CHSY3: variants seen among roughly 807,000 people sequenced by gnomAD.
CHSY3 encodes the protein chondroitin sulfate synthase 3, also known as N-acetylgalactosaminyl-proteoglycan 3-beta-glucuronosyltransferase 3.
A neutral mutation model predicts 67.2 loss-of-function variants in CHSY3; 35 were observed. The ratio of observed to expected loss-of-function variants is 0.52; its 90% CI spans 0.40 to 0.69. The LOEUF (loss-of-function observed/expected upper bound fraction) is 0.69, where lower values mean the gene tolerates loss of function less well. CHSY3 is among the 30% of genes least tolerant of loss of function. The pLI is 0.00. For missense variants in CHSY3, 1,069 were observed against 1,138.5 expected (o/e 0.94, Z 0.88); for synonymous variants, 474 against 434.7 (o/e 1.09, Z -1.12).
chr5:129,934,007 ACAATGCCACTT>A lies in CHSY3; in HGVS notation c.1086+25648_1086+25658del, dbSNP rs139088782. Among the ~76,000 whole-genome samples the A allele has an allele frequency of 9.4e-3, 1,429 of 152,196 alleles. 22 individuals carry two copies. The highest frequency in any genetic ancestry group is 0.033 in the African/African-American group (1,366 of 41,538). ...TATGCATAACCTATCCTTTGACCTA[ACAATGCCACTT>A]TTAGTTATTTATCCTAAGGAAACTA... On this transcript the variant is annotated intron_variant, in intron 2 of 2. Coordinates refer to ENST00000305031, the MANE Select transcript of CHSY3 (RefSeq NM_175856.5).
intron 2 of CHSY3, among the ~76,000 whole-genome samples, chr5:129,992,349 T>C (rs1248479553): frequency 1.3e-5 from 2 of 152,210 alleles, no homozygotes; most frequent in African/African-American, 2.4e-5. Context: ...GGAATGAGTA[T>C]GTCCCCTACT....
intron 2 of CHSY3, among the ~76,000 whole-genome samples, chr5:129,988,573 C>T (rs577973835): frequency 4.9e-4 from 74 of 152,204 alleles, no homozygotes; most frequent in African/African-American, 1.8e-3. Flanking sequence ...CTGCTATATC[C>T]CCATCCCCTA....
chr5:129,912,183 A>G (rs1760584021), intron 2 of CHSY3, among the ~76,000 whole-genome samples: 1 of 152,238 alleles, frequency 6.6e-6, no homozygotes, highest in African/African-American at 2.4e-5. Context: ...ACTGAATTTG[A>G]GGATGTTGTG....
intron 2 of CHSY3, among the ~76,000 whole-genome samples, chr5:130,069,549 A>T (rs1258707051): frequency 2.0e-5 from 3 of 152,040 alleles, no homozygotes; most frequent in Non-Finnish European, 2.9e-5. Context: ...TTTCTCACAT[A>T]ATTATTTTTT....
At chr5:130,164,839 G>A (rs913917242) in intron 2 of CHSY3, among the ~76,000 whole-genome samples, 2 of 152,118 alleles carry the variant, frequency 1.3e-5, no homozygotes, top group Non-Finnish European at 2.9e-5. Context: ...ATGGCACCTA[G>A]TACCAGGAGA....
At position 130,185,296 on chromosome 5, in the gene CHSY3, T is replaced by C. The variant is rs760117622; in HGVS notation, c.2154T>C (p.Asp718=). The change falls in exon 3 of 3, where the codon GAT becomes GAC. Residue 718 remains aspartate, a synonymous_variant. Transcript: ENST00000305031. ...FDNDTLLLFC[D]VDLIFREDFL... is the part of the protein sequence containing the mutation. Reference sequence around the variant, plus strand: ...ATGACACTTTGCTGCTATTTTGTGATGTTGACTTGATCTTCAGAGAAGATT... The same window carrying C: ...ATGACACTTTGCTGCTATTTTGTGACGTTGACTTGATCTTCAGAGAAGATT... 3 of 1,612,010 alleles carry C rather than the reference T, an allele frequency of 1.9e-6. No individual in the cohort carries two copies. The East Asian group carries it at 6.7e-5, about 36-fold the overall frequency.
chr5:130,018,989 C>T (rs760137262), intron 2 of CHSY3, among the ~76,000 whole-genome samples: 4 of 152,018 alleles, frequency 2.6e-5, no homozygotes, highest in Admixed American at 6.6e-5. Flanking sequence ...GTTTTGATGC[C>T]GCCCAAAGAC....
chr5:130,132,522 G>A (rs1053079938), intron 2 of CHSY3, among the ~76,000 whole-genome samples: 17 of 152,112 alleles, frequency 1.1e-4, no homozygotes, highest in Admixed American at 1.1e-3. Context: ...ATTATTCTTG[G>A]TACCTTAAGC....
rs188438851 is a variant in CHSY3, at chr5:130,116,458, G to C, written c.1087-67771G>C. Reference sequence around the variant, plus strand: ...CTATGGACTATACAATAATTCAGATGAATCAACTATTAGAAAGATTTGTGG... The same window carrying C: ...CTATGGACTATACAATAATTCAGATCAATCAACTATTAGAAAGATTTGTGG... On this transcript the variant is annotated intron_variant, in intron 2 of 2. Transcript: ENST00000305031. Among the ~76,000 whole-genome samples the C allele has an allele frequency of 7.9e-5, 12 of 152,306 alleles. 1 individual carries two copies. Among genetic ancestry groups the C allele is most frequent in the Admixed American group, 7.8e-4 (12 of 15,304 alleles).
intron 2 of CHSY3, among the ~76,000 whole-genome samples, chr5:129,947,193 A>C (rs1761880866): frequency 1.3e-5 from 2 of 152,128 alleles, no homozygotes; most frequent in East Asian, 3.9e-4. Flanking sequence ...ATAGGGGGAA[A>C]AGCCCATTAT....
chr5:130,022,495 A>C (rs950747247), intron 2 of CHSY3, among the ~76,000 whole-genome samples: 6 of 152,022 alleles, frequency 3.9e-5, no homozygotes, highest in Admixed American at 3.3e-4. Context: ...TAGCAAAGTT[A>C]AAAGTATCTA....
chr5:130,038,546 C>T (rs1485088066), intron 2 of CHSY3, among the ~76,000 whole-genome samples: 1 of 151,688 alleles, frequency 6.6e-6, no homozygotes, highest in Non-Finnish European at 1.5e-5. Flanking sequence ...TCCTACCCTG[C>T]ACACAAGGAT....
intron 2 of CHSY3, among the ~76,000 whole-genome samples, chr5:129,991,864 C>T (rs1254697991): frequency 6.6e-6 from 1 of 152,074 alleles, no homozygotes; most frequent in Non-Finnish European, 1.5e-5. Flanking sequence ...TTAATGACGT[C>T]CCCAAAAGAT....
Position 129,905,160 on chromosome 5 carries a change from C to T in CHSY3, c.331C>T (p.Gln111Ter). ...SPWQQPPPLQ[Q>*]RRRGREPEGA... ...CTGGCAGCAGCCACCTCCGCTGCAG[C>T]AGCGGCGGCGAGGACGCGAGCCTGA... Residue 111 changes from glutamine to a stop codon, truncating the protein, a stop_gained, in exon 1 of 3, where the codon CAG becomes TAG. Transcript: ENST00000305031. LOFTEE classifies it high-confidence loss of function. 1 of 1,527,312 alleles carries T rather than the reference C, an allele frequency of 6.5e-7. No individual in the cohort carries two copies. Among genetic ancestry groups the T allele is most frequent in the East Asian group, 2.5e-5 (1 of 39,918 alleles). 94.6% of individuals were successfully genotyped at this position (1,527,312 alleles called of 1,614,324 possible). A position where few individuals can be genotyped will look rare whatever the true frequency, so the allele number is the denominator to read the frequency against.
At chr5:130,073,426 T>C (rs1766151371) in intron 2 of CHSY3, among the ~76,000 whole-genome samples, 1 of 152,028 alleles carries the variant, frequency 6.6e-6, no homozygotes, top group African/African-American at 2.4e-5. Context: ...TGGCTGGGAT[T>C]ACAGGCATAT....
At chr5:130,020,457 ATATATTTTTTTT>A (rs1426270821) in intron 2 of CHSY3, among the ~76,000 whole-genome samples, 2 of 5,542 alleles carry the variant, frequency 3.6e-4, no homozygotes, top group Non-Finnish European at 5.7e-4. Context: ...ATATATATAT[ATATATTTTTTTT>A]TTTTTTTTTT....
intron 2 of CHSY3, among the ~76,000 whole-genome samples, chr5:129,939,986 T>C (rs1761647612): frequency 1.3e-5 from 2 of 152,154 alleles, no homozygotes; most frequent in Admixed American, 1.3e-4. Context: ...GATTTCCATA[T>C]ATTATATTAG....
chr5:130,030,504 A>AC (rs1225639793), intron 2 of CHSY3, among the ~76,000 whole-genome samples: 1 of 152,180 alleles, frequency 6.6e-6, no homozygotes, highest in Non-Finnish European at 1.5e-5. Flanking sequence ...CTGATATAAT[A>AC]CTGGTGCTTA....
At chr5:129,948,102 C>G (rs1040725933) in intron 2 of CHSY3, among the ~76,000 whole-genome samples, 1 of 152,046 alleles carries the variant, frequency 6.6e-6, no homozygotes, top group Non-Finnish European at 1.5e-5. Context: ...TGCTGCTAAA[C>G]AAAATTGACA....
Sources: allele counts gnomAD v4.1 joint callset (sites outside exome capture counted in the v4.1 genomes callset), GRCh38; gene constraint gnomAD v4.1.1; transcripts MANE v1.5; gene names NCBI Gene and HGNC (gene_info 2026-07-23, HGNC 2026-07-21).